The following STAG1 variants were observed in gnomAD, a reference collection of about 807,000 sequenced individuals.
STAG1 encodes cohesin subunit SA-1.
A neutral mutation model predicts 170.9 loss-of-function variants in STAG1; 26 were observed. The ratio of observed to expected loss-of-function variants is 0.15; its 90% confidence interval spans 0.11 to 0.21. The LOEUF is 0.21. Ranked by LOEUF, STAG1 falls within the 10% of genes least tolerant of loss-of-function variation. The pLI, the probability that STAG1 is intolerant of heterozygous loss-of-function variation, is 1.00. For missense variants in STAG1, 964 were observed against 1,509.5 expected (o/e 0.64, Z 5.99); for synonymous variants, 514 against 497.7 (o/e 1.03, Z -0.44).
chr3:136,487,808 T>A (rs952092479), intron 9 of STAG1, among the ~76,000 whole-genome samples: 4 of 152,214 alleles, frequency 2.6e-5, no homozygotes, highest in Non-Finnish European at 5.9e-5. Context: ...TATAATGTAG[T>A]AGAAATGAGG....
chr3:136,629,284 G>T (rs1940230399), intron 2 of STAG1, among the ~76,000 whole-genome samples: 1 of 152,084 alleles, frequency 6.6e-6, no homozygotes, highest in Non-Finnish European at 1.5e-5. Flanking sequence ...TTTAGGAGAT[G>T]GGTCAGAAAA....
At chr3:136,562,180 C>G (rs781576944) in intron 5 of STAG1, among the ~76,000 whole-genome samples, 47 of 152,166 alleles carry the variant, frequency 3.1e-4, no homozygotes, top group Non-Finnish European at 4.9e-4. Context: ...GTCCTTTATG[C>G]CAAAAGAAAT....
In STAG1 at chr3:136,463,825, A is replaced by G. The variant is rs1027274317; in HGVS notation, c.1313+1056T>C. On this transcript the variant is annotated intron_variant, in intron 13 of 33. Transcript: ENST00000383202. ...TACATACATATATACACATATATTC[A>G]TATATACATATATACATACATATAT... Among the ~76,000 whole-genome samples, 6 of 145,364 alleles carry G rather than the reference A, an allele frequency of 4.1e-5. No homozygotes were observed. In the East Asian group the frequency reaches 1.2e-3, roughly 29 times the overall value.
rs867313711 is a variant in STAG1 at position 136,575,554 on chromosome 3, G to T, written c.298-6693C>A. 4.0e-5 allele frequency among the ~76,000 whole-genome samples: 6 copies of T among 151,428 alleles called. No individual in the cohort carries two copies. The South Asian group carries it at 8.3e-4, about 21-fold the overall frequency. On this transcript the variant is annotated intron_variant, in intron 4 of 33. Coordinates refer to ENST00000383202, the MANE Select transcript of STAG1 (RefSeq NM_005862.3). ...GTCTCTATCTGGAGGATAAGGAAAAGTATGCAATATAATTCCAACAGAAAA... is the reference window on the plus strand; with the variant it reads ...GTCTCTATCTGGAGGATAAGGAAAATTATGCAATATAATTCCAACAGAAAA...
rs1188090711 is a variant in STAG1 at position 136,479,495 on chromosome 3, G to A, written c.903-2083C>T. On this transcript the variant is annotated intron_variant, in intron 9 of 33. Coordinates refer to ENST00000383202, the MANE Select transcript of STAG1 (RefSeq NM_005862.3). ...TCTATCATTGTTGGACATTTGGGTT[G>A]GTTCCAAGTCTTTGCTATTGTGAAT... is the stretch of plus-strand genomic sequence containing the variant. Among the ~76,000 whole-genome samples the A allele has an allele frequency of 1.1e-4, 8 of 72,146 alleles. 1 individual carries two copies. The highest frequency in any genetic ancestry group is 6.6e-4 in the South Asian group (1 of 1,504). The allele number at this position is 72,146 out of a possible 152,430, so 47.3% of individuals were successfully genotyped here.
chr3:136,343,146 CCAACTATACA>C (rs1245535997), intron 30 of STAG1, among the ~76,000 whole-genome samples: 1 of 152,182 alleles, frequency 6.6e-6, no homozygotes, highest in African/African-American at 2.4e-5. Context: ...ACAGCATTAC[CCAACTATACA>C]CAGAAACACA....
chr3:136,529,354 C>T (rs577340168), intron 6 of STAG1, among the ~76,000 whole-genome samples: 10 of 152,210 alleles, frequency 6.6e-5, no homozygotes, highest in African/African-American at 1.4e-4. Context: ...ACTGTTTTAA[C>T]GTCAAAGACA....
Position 136,369,139 on chromosome 3 carries a change from A to T in STAG1, c.2514T>A (p.Phe838Leu). The change falls in exon 24 of 34, where the codon TTT becomes TTA. Residue 838 changes from phenylalanine (F) to leucine (L), a missense_variant. Phe to Leu is a conservative substitution (Grantham distance 22, BLOSUM62 0). This residue lies in a region of STAG1 where 149 missense variants were observed against 301.3 expected (regional missense o/e 0.49). Transcript: ENST00000383202. ...ELLSFVMDHVFIDQDEENQSM... is the reference protein window; with the variant it reads ...ELLSFVMDHVLIDQDEENQSM... Reference sequence around the variant, plus strand: ...TCTGGTTCTCCTCGTCTTGGTCAATAAAAACGTGATCCATCACAAAACTGA... The same window carrying T: ...TCTGGTTCTCCTCGTCTTGGTCAATTAAAACGTGATCCATCACAAAACTGA... The T allele has an allele frequency of 6.3e-7, 1 of 1,579,674 alleles. No homozygotes were observed. The highest frequency in any genetic ancestry group is 1.9e-5 in the Admixed American group (1 of 52,318).
At chr3:136,555,018 G>C (rs1298970815) in intron 5 of STAG1, among the ~76,000 whole-genome samples, 1 of 150,008 alleles carries the variant, frequency 6.7e-6, no homozygotes, top group East Asian at 1.9e-4. Context: ...TAATGAAAAG[G>C]GACATCAGTA....
intron 1 of STAG1, among the ~76,000 whole-genome samples, chr3:136,634,723 CAGAT>C (rs1252485613): frequency 6.6e-6 from 1 of 150,608 alleles, no homozygotes; most frequent in African/African-American, 2.4e-5. Context: ...AATTAGTGCA[CAGAT>C]AAACTATATT....
intron 9 of STAG1, among the ~76,000 whole-genome samples, chr3:136,478,223 C>T (rs1419053424): frequency 6.6e-6 from 1 of 152,186 alleles, no homozygotes; most frequent in Non-Finnish European, 1.5e-5. Context: ...CCTCTAGTGA[C>T]AATGGTAACC....
chr3:136,662,823 G>C (rs1426271771), intron 1 of STAG1, among the ~76,000 whole-genome samples: 2 of 152,194 alleles, frequency 1.3e-5, no homozygotes, highest in Non-Finnish European at 2.9e-5. Context: ...GAGCCAACGT[G>C]CGTGGATCAC....
chr3:136,499,613 G>A (rs2107861860), intron 9 of STAG1, among the ~76,000 whole-genome samples: 1 of 152,310 alleles, frequency 6.6e-6, no homozygotes, highest in East Asian at 1.9e-4. Flanking sequence ...TGTAAAATAT[G>A]CTCTTTTACA....
At chr3:136,588,769 G>C (rs1357239684) in intron 4 of STAG1, among the ~76,000 whole-genome samples, 2 of 150,838 alleles carry the variant, frequency 1.3e-5, no homozygotes, top group Non-Finnish European at 3.0e-5. Flanking sequence ...TTTTTTGTTT[G>C]GTTGGTTTTG....
At chr3:136,664,383 T>C (rs1398039284) in intron 1 of STAG1, among the ~76,000 whole-genome samples, 2 of 152,152 alleles carry the variant, frequency 1.3e-5, no homozygotes, top group African/African-American at 4.8e-5. Flanking sequence ...GCTCTTGAGG[T>C]AGATGTTGAG....
intron 25 of STAG1, among the ~76,000 whole-genome samples, chr3:136,365,986 A>G (rs1937059622): frequency 6.6e-6 from 1 of 151,722 alleles, no homozygotes; most frequent in South Asian, 2.1e-4. Flanking sequence ...CTCTGTTTAC[A>G]CATTAGCTTT....
At chr3:136,364,242 T>C (rs1191446222) in intron 25 of STAG1, among the ~76,000 whole-genome samples, 1 of 151,216 alleles carries the variant, frequency 6.6e-6, no homozygotes, top group African/African-American at 2.4e-5. Context: ...GCCACCATGA[T>C]CGGGTAATTT....
chr3:136,420,658 T>C (rs2087926554), intron 20 of STAG1, among the ~76,000 whole-genome samples: 2 of 152,216 alleles, frequency 1.3e-5, no homozygotes, highest in African/African-American at 4.8e-5. Context: ...ACAGGTACGA[T>C]CATGGGCCAG....
At chr3:136,731,589 T>C (rs1472316561) in intron 1 of STAG1, among the ~76,000 whole-genome samples, 1 of 152,218 alleles carries the variant, frequency 6.6e-6, no homozygotes, top group Admixed American at 6.5e-5. Context: ...CAAGTAAAGA[T>C]TTCCGAAGAA....
Sources: gnomAD v4.1 joint callset for allele counts (sites outside exome capture counted in the v4.1 genomes callset) on GRCh38, gnomAD v4.1.1 for gene constraint, gnomAD v4.1.1 regional missense constraint, MANE v1.5 for transcripts, NCBI Gene and HGNC (gene_info 2026-07-23, HGNC 2026-07-21) for gene names.